The following BABAM2 variants were observed in gnomAD, a reference collection of about 807,000 sequenced individuals.
BABAM2 encodes the protein BRISC and BRCA1 A complex member 2, also known as BRISC and BRCA1-A complex member 2.
BABAM2 carries 31 observed loss-of-function variants against 54.7 expected under a neutral mutation model. The observed-to-expected ratio is 0.57, with a 90% CI of 0.43 to 0.77. The LOEUF (loss-of-function observed/expected upper bound fraction) is 0.77, where lower values mean the gene tolerates loss of function less well. BABAM2 is among the 30% of genes least tolerant of loss of function. The pLI is 0.00. For synonymous variants in BABAM2, 167 were observed against 162.9 expected (o/e 1.03, Z -0.19); for missense variants, 364 against 455.8 (o/e 0.80, Z 1.83).
chr2:28,150,072 A>G (rs930132255), intron 7 of BABAM2, among the ~76,000 whole-genome samples: 1 of 152,212 alleles, frequency 6.6e-6, no homozygotes, highest in African/African-American at 2.4e-5. Context: ...AAGGAAACTA[A>G]TTTCTATGAG....
chr2:28,021,391 G>A (rs1675254693), intron 4 of BABAM2, among the ~76,000 whole-genome samples: 1 of 152,146 alleles, frequency 6.6e-6, no homozygotes, highest in Admixed American at 6.5e-5. Flanking sequence ...CCCTGTGTGG[G>A]GGAAAGTATC....
At chr2:27,908,272 T>C (rs1666329982) in intron 2 of BABAM2, among the ~76,000 whole-genome samples, 1 of 152,160 alleles carries the variant, frequency 6.6e-6, no homozygotes, top group Middle Eastern at 3.4e-3. Flanking sequence ...AAAAACAATT[T>C]TTTTTTTTGA....
At chr2:28,047,324 G>A (rs1677659834) in intron 6 of BABAM2, among the ~76,000 whole-genome samples, 1 of 152,122 alleles carries the variant, frequency 6.6e-6, no homozygotes, top group Non-Finnish European at 1.5e-5. Context: ...AACCCTTATA[G>A]CATATACTCA....
At chr2:28,113,694 A>G (rs774314451) in intron 6 of BABAM2, among the ~76,000 whole-genome samples, 2 of 152,230 alleles carry the variant, frequency 1.3e-5, no homozygotes, top group Admixed American at 6.5e-5. Context: ...AAGAAAGTCA[A>G]TTGTAGCTTG....
chr2:28,256,424 G>A (rs1409157309), intron 10 of BABAM2, among the ~76,000 whole-genome samples: 3 of 152,108 alleles, frequency 2.0e-5, no homozygotes, highest in African/African-American at 4.8e-5. Flanking sequence ...TAAAAACAAA[G>A]ATACACATTT....
At chr2:28,295,070 T>C (rs1411785120) in intron 10 of BABAM2, among the ~76,000 whole-genome samples, 1 of 152,246 alleles carries the variant, frequency 6.6e-6, no homozygotes, top group African/African-American at 2.4e-5. Context: ...ATTTCCTTCA[T>C]ATTTTGAATT....
intron 7 of BABAM2, among the ~76,000 whole-genome samples, chr2:28,167,769 A>G (rs949642281): frequency 1.3e-5 from 2 of 152,168 alleles, no homozygotes; most frequent in East Asian, 1.9e-4. Flanking sequence ...TTGGTAGGCA[A>G]CACTTTGATG....
intron 7 of BABAM2, among the ~76,000 whole-genome samples, chr2:28,234,549 A>C (rs966695725): frequency 5.3e-5 from 8 of 152,204 alleles, no homozygotes; most frequent in African/African-American, 1.9e-4. Flanking sequence ...ATTTTATATA[A>C]GTCAAAGCCT....
At chr2:28,263,609 G>C (rs1684729885) in intron 10 of BABAM2, among the ~76,000 whole-genome samples, 1 of 152,218 alleles carries the variant, frequency 6.6e-6, no homozygotes, top group Non-Finnish European at 1.5e-5. Context: ...CCATAAAATA[G>C]TACCATTTTC....
intron 11 of BABAM2, among the ~76,000 whole-genome samples, chr2:28,301,426 C>G (rs1017057580): frequency 2.0e-5 from 3 of 152,172 alleles, no homozygotes; most frequent in African/African-American, 7.2e-5. Context: ...ATGTGTGCCC[C>G]AGTTGCTATT....
intron 5 of BABAM2, among the ~76,000 whole-genome samples, chr2:28,032,304 TC>T (rs1676353271): frequency 6.6e-6 from 1 of 152,170 alleles, no homozygotes; most frequent in Non-Finnish European, 1.5e-5. Flanking sequence ...ATATGCTTCT[TC>T]CTTTTACTAT....
chr2:28,164,820 C>T (rs1210835431), intron 7 of BABAM2, among the ~76,000 whole-genome samples: 3 of 152,076 alleles, frequency 2.0e-5, no homozygotes, highest in African/African-American at 4.8e-5. Context: ...AATCAGCTTC[C>T]ATAACTTTTC....
chr2:28,202,873 G>A (rs552012586), intron 7 of BABAM2, among the ~76,000 whole-genome samples: 1 of 152,048 alleles, frequency 6.6e-6, no homozygotes, highest in South Asian at 2.1e-4. Flanking sequence ...CTTCAATCAC[G>A]GGGAATATTC....
intron 6 of BABAM2, among the ~76,000 whole-genome samples, chr2:28,072,770 C>A (rs1375628406): frequency 6.6e-6 from 1 of 152,172 alleles, no homozygotes; most frequent in Non-Finnish European, 1.5e-5. Context: ...ATTATGGTTT[C>A]TCAGTCTTTT....
rs542864880 is a variant in BABAM2, at chr2:28,325,049, A to G, written c.1089-13401A>G. 1.8e-3 allele frequency among the ~76,000 whole-genome samples: 281 copies of G among 152,260 alleles called. 1 individual carries two copies. Among genetic ancestry groups the G allele is most frequent in the Non-Finnish European group, 1.6e-3 (106 of 68,036 alleles). On this transcript the variant is annotated intron_variant, in intron 11 of 11. Transcript: ENST00000379624. The surrounding 1 kb of genome is among the most constrained non-coding windows in gnomAD (Gnocchi z 4.3). ...TATTTTACATTTGAATCCAGTATATATAACTAAAACAAAAGTGCCACATAC... is the reference window on the plus strand; with the variant it reads ...TATTTTACATTTGAATCCAGTATATGTAACTAAAACAAAAGTGCCACATAC...
At chr2:27,892,651 G>A (rs1664955830) in intron 1 of BABAM2, among the ~76,000 whole-genome samples, 1 of 151,952 alleles carries the variant, frequency 6.6e-6, no homozygotes, top group African/African-American at 2.4e-5. Context: ...CTGCAAACTG[G>A]GAATTAAAAT....
chr2:28,290,747 A>G (rs1424312455), intron 10 of BABAM2, among the ~76,000 whole-genome samples: 1 of 152,212 alleles, frequency 6.6e-6, no homozygotes, highest in African/African-American at 2.4e-5. Context: ...GGTAGGAGGC[A>G]TTTGTGAAAT....
chr2:28,076,239 A>G (rs547795818), intron 6 of BABAM2, among the ~76,000 whole-genome samples: 83 of 152,144 alleles, frequency 5.5e-4, no homozygotes, highest in Non-Finnish European at 1.0e-3. Context: ...GCACCACTGT[A>G]CTCCAGCCTG....
At chr2:28,312,151 T>C (rs1440786775) in intron 11 of BABAM2, among the ~76,000 whole-genome samples, 3 of 152,094 alleles carry the variant, frequency 2.0e-5, no homozygotes, top group African/African-American at 7.2e-5. Flanking sequence ...AAGGCATGAA[T>C]TCTAGAAAAA....
Sources: gnomAD v4.1 joint callset for allele counts (sites outside exome capture counted in the v4.1 genomes callset) on GRCh38, gnomAD v4.1.1 for gene constraint, Gnocchi (gnomAD v3.1) non-coding constraint, MANE v1.5 for transcripts, NCBI Gene and HGNC (gene_info 2026-07-23, HGNC 2026-07-21) for gene names.